The following PHF21B variants were observed in gnomAD, a reference collection of about 807,000 sequenced individuals.
PHF21B encodes the protein PHD finger protein 4.
Under a neutral mutation model 62.2 loss-of-function variants are expected in PHF21B, and 22 were observed. The ratio of observed to expected loss-of-function variants is 0.35; its 90% CI spans 0.25 to 0.51. The LOEUF (loss-of-function observed/expected upper bound fraction) is 0.51. Among genes scored for constraint, PHF21B ranks in the 20% least tolerant of loss-of-function variants. The probability of loss-of-function intolerance (pLI) is 0.97; values close to 1 mark genes in which losing one functional copy is unlikely to be tolerated. For synonymous variants in PHF21B, 341 were observed against 314.7 expected, an observed-to-expected ratio of 1.08 and a Z score of -0.88; for missense variants, 701 against 707.9, an observed-to-expected ratio of 0.99 and a Z score of 0.11.
chr22:44,885,745 C>A (rs1256275767), intron 11 of PHF21B, 118 bp downstream of exon 11: 9 of 1,181,458 alleles, frequency 7.6e-6, no homozygotes, highest in Non-Finnish European at 9.7e-6. Flanking sequence ...CTTTTCAGTG[C>A]TCTGGCCCTG....
chr22:44,935,631 C>A (rs1228776521), intron 2 of PHF21B, among the ~76,000 whole-genome samples: 3 of 150,526 alleles, frequency 2.0e-5, no homozygotes, highest in Non-Finnish European at 3.0e-5. Context: ...AACAAACAAA[C>A]AAAAAAAAAA....
rs2011888 is a variant in PHF21B, at chr22:44,974,121, C to T, written c.120+34424G>A. Among the ~76,000 whole-genome samples, 1,447 of 152,216 alleles carry T rather than the reference C, an allele frequency of 9.5e-3. 9 individuals carry two copies. Among genetic ancestry groups the T allele is most frequent in the Non-Finnish European group, 0.014 (951 of 68,018 alleles). On this transcript the variant is annotated intron_variant, in intron 2 of 12. Coordinates refer to ENST00000313237, the MANE Select transcript of PHF21B (RefSeq NM_138415.5). ...GAGTGTTTGTGTGTGATGCTGTAAACGTGCATATGCGGCCAGGTGCGGTGG... is the reference window on the plus strand; with the variant it reads ...GAGTGTTTGTGTGTGATGCTGTAAATGTGCATATGCGGCCAGGTGCGGTGG...
At chr22:44,961,049 C>G (rs1400083459) in intron 2 of PHF21B, among the ~76,000 whole-genome samples, 1 of 149,624 alleles carries the variant, frequency 6.7e-6, no homozygotes, top group African/African-American at 2.5e-5. Flanking sequence ...TTCTGACTCC[C>G]TGGTTCAAGC....
At chr22:44,997,439 T>C (rs1362447202) in intron 2 of PHF21B, among the ~76,000 whole-genome samples, 2 of 152,094 alleles carry the variant, frequency 1.3e-5, no homozygotes, top group East Asian at 3.9e-4. Flanking sequence ...ACGTGGGCAA[T>C]GTGGACAAAC....
chr22:44,985,229 C>A (rs1166518967), intron 2 of PHF21B, among the ~76,000 whole-genome samples: 10 of 152,074 alleles, frequency 6.6e-5, no homozygotes, highest in Admixed American at 4.6e-4. Context: ...ACTTCCACAC[C>A]CACTATTTAT....
chr22:45,009,166 C>A lies in PHF21B; in HGVS notation c.54+330G>T, dbSNP rs374506120. ...AGGGGAGGCCGGAAGGGGGCCTATT[C>A]GCACTCCCCTCCCCGGGACCGGCTC... On this transcript the variant is annotated intron_variant, in intron 1 of 12. Transcript: ENST00000313237. This position sits in a 1 kb window ranked among gnomAD's most constrained non-coding sequence, Gnocchi z 5.9. The A allele has an allele frequency of 1.5e-5, 7 of 460,862 alleles. No homozygotes were observed. Among genetic ancestry groups the A allele is most frequent in the African/African-American group, 6.1e-5 (3 of 48,988 alleles). The allele number at this position is 460,862 out of a possible 1,614,324, so 28.5% of individuals were successfully genotyped here.
intron 2 of PHF21B, 114 bp downstream of exon 2, chr22:45,008,431 C>A: frequency 5.1e-6 from 5 of 979,208 alleles, no homozygotes; most frequent in Non-Finnish European, 5.6e-6. Context: ...TGGAGACAGA[C>A]CCCTCTGGGA....
intron 5 of PHF21B, among the ~76,000 whole-genome samples, chr22:44,908,096 C>T (rs377166283): frequency 3.3e-5 from 5 of 152,200 alleles, no homozygotes; most frequent in East Asian, 1.9e-4. Context: ...AGCCTCTTCA[C>T]GACTGAGCGG....
At chr22:45,008,889 GGTGCGT>G (rs1335884113) in intron 1 of PHF21B, 54 of 1,174,828 alleles carry the variant, frequency 4.6e-5, no homozygotes, top group Non-Finnish European at 5.4e-5. Flanking sequence ...TGCAGGCCGG[GGTGCGT>G]GTGCGAGTGA....
rs2071003610 is a variant in PHF21B, at chr22:44,893,508, C to A, written c.909G>T (p.Arg303=). The change falls in exon 7 of 13, where the codon CGG becomes CGT. Residue 303 remains arginine, a synonymous_variant. Transcript: ENST00000313237. ...LEEIQSKRQE[R]KRRSTANPAY... Reference sequence around the variant, plus strand: ...CAGGGTTGGCTGTGCTTCTTCTCTTCCGCTCCTGTCGCTTGCTCTGGATTT... The same window carrying A: ...CAGGGTTGGCTGTGCTTCTTCTCTTACGCTCCTGTCGCTTGCTCTGGATTT... 1.2e-6 allele frequency: 2 copies of A among 1,604,304 alleles called. No homozygotes were observed. Among genetic ancestry groups the A allele is most frequent in the Non-Finnish European group, 1.7e-6 (2 of 1,175,638 alleles).
intron 2 of PHF21B, among the ~76,000 whole-genome samples, chr22:44,974,840 A>G (rs1367500608): frequency 6.6e-6 from 1 of 152,236 alleles, no homozygotes; most frequent in Non-Finnish European, 1.5e-5. Flanking sequence ...ATTTGTTTCA[A>G]TGAATAGCGT....
intron 2 of PHF21B, among the ~76,000 whole-genome samples, chr22:44,990,471 C>T (rs938508140): frequency 3.3e-5 from 5 of 152,146 alleles, no homozygotes; most frequent in Admixed American, 2.0e-4. Flanking sequence ...AGTGGAATAA[C>T]GCACAGCCTG....
chr22:44,997,536 C>G (rs995629039), intron 2 of PHF21B, among the ~76,000 whole-genome samples: 2 of 152,124 alleles, frequency 1.3e-5, no homozygotes, highest in Non-Finnish European at 2.9e-5. Context: ...ACCACTGAGA[C>G]GCATTAATCA....
chr22:44,996,841 C>A (rs966569653), intron 2 of PHF21B, among the ~76,000 whole-genome samples: 2 of 151,776 alleles, frequency 1.3e-5, no homozygotes, highest in Non-Finnish European at 2.9e-5. Context: ...TGGGCACACA[C>A]GAACACATGC....
At chr22:44,895,910 C>T (rs1311407638) in intron 6 of PHF21B, 122 bp downstream of exon 6, 1 of 1,062,506 alleles carries the variant, frequency 9.4e-7, no homozygotes, top group African/African-American at 1.6e-5. Flanking sequence ...AGTGTGAGGC[C>T]ACGCTCCACC....
At chr22:45,000,924 C>T (rs970241710) in intron 2 of PHF21B, 1 of 152,186 alleles carries the variant, frequency 6.6e-6, no homozygotes, top group Non-Finnish European at 1.5e-5. Flanking sequence ...CTGATTTCAT[C>T]GCAATCACCA....
In PHF21B at chr22:45,009,539, T is replaced by C. The variant is rs1474460165; in HGVS notation, c.11A>G (p.Gln4Arg). The change falls in exon 1 of 13, where the codon CAG becomes CGG. Residue 4 changes from glutamine (Q) to arginine (R), a missense_variant. By Grantham distance (43) the Gln-to-Arg change is conservative (BLOSUM62 1). Coordinates refer to ENST00000313237, the MANE Select transcript of PHF21B (RefSeq NM_138415.5). The surrounding 1 kb of genome is among the most constrained non-coding windows in gnomAD (Gnocchi z 5.9). MEL[Q>R]SRPEALAVEL... ...CACGGCGAGCGCCTCGGGCCGGCTC[T>C]GCAGCTCCATCCCGGCAACTTGGGC... 42 of 1,574,016 alleles carry C rather than the reference T, an allele frequency of 2.7e-5. No homozygotes were observed. Among genetic ancestry groups the C allele is most frequent in the Non-Finnish European group, 3.6e-5 (42 of 1,169,602 alleles).
At chr22:44,966,885 CAG>C (rs1327839340) in intron 2 of PHF21B, 1 of 152,224 alleles carries the variant, frequency 6.6e-6, no homozygotes, top group African/African-American at 2.4e-5. Flanking sequence ...GCTTTCTTGA[CAG>C]ACTTTGCAAG....
At chr22:44,945,854 T>A (rs890152553) in intron 2 of PHF21B, among the ~76,000 whole-genome samples, 3 of 152,080 alleles carry the variant, frequency 2.0e-5, no homozygotes, top group Non-Finnish European at 4.4e-5. Context: ...CCAGAACTCT[T>A]TGGGCCTCAG....
Sources: gnomAD v4.1 joint callset for allele counts (sites outside exome capture counted in the v4.1 genomes callset) on GRCh38, gnomAD v4.1.1 for gene constraint, Gnocchi (gnomAD v3.1) non-coding constraint, MANE v1.5 for transcripts, NCBI Gene and HGNC (gene_info 2026-07-23, HGNC 2026-07-21) for gene names.